PDXDC1: variants seen among roughly 807,000 people sequenced by gnomAD.
PDXDC1 encodes the protein pyridoxal-dependent decarboxylase domain-containing protein 1.
Under a neutral mutation model 100.1 loss-of-function variants are expected in PDXDC1, and 42 were observed. The ratio of observed to expected loss-of-function variants is 0.42; its 90% confidence interval spans 0.33 to 0.54. The LOEUF is 0.54. Ranked by LOEUF, PDXDC1 falls within the 20% of genes least tolerant of loss-of-function variation. The pLI is 0.10. For synonymous variants in PDXDC1, 260 were observed against 371.7 expected, an observed-to-expected ratio of 0.70 and a Z score of 3.46; for missense variants, 636 against 979.2, an observed-to-expected ratio of 0.65 and a Z score of 4.68.
intron 1 of PDXDC1, among the ~76,000 whole-genome samples, chr16:14,978,459 G>A (rs1414632113): frequency 2.0e-5 from 3 of 152,406 alleles, no homozygotes; most frequent in African/African-American, 4.8e-5. Flanking sequence ...GTACAATCTC[G>A]GCTCACTGCA....
At chr16:15,016,817 G>T (rs569178503) in intron 9 of PDXDC1, among the ~76,000 whole-genome samples, 2 of 152,392 alleles carry the variant, frequency 1.3e-5, no homozygotes, top group Admixed American at 1.3e-4. Context: ...CATACAGGGA[G>T]GTTTCTTTTT....
Position 15,017,436 on chromosome 16 carries a change from C to T in PDXDC1, c.963+14C>T. On this transcript the variant is annotated intron_variant, in intron 11 of 22. Coordinates refer to ENST00000396410, the MANE Select transcript of PDXDC1 (RefSeq NM_015027.4). ...GACCCTGCCTTGGTAAGTTTCCACTCACTGGGGAGGGAGTGGGTGTGGCTA... is the reference window on the plus strand; with the variant it reads ...GACCCTGCCTTGGTAAGTTTCCACTTACTGGGGAGGGAGTGGGTGTGGCTA... 6.2e-7 allele frequency: 1 copy of T among 1,612,110 alleles called. No individual in the cohort carries two copies. The highest frequency in any genetic ancestry group is 8.5e-7 in the Non-Finnish European group (1 of 1,178,434).
At chr16:15,111,756 C>CA (rs1202549941) in intron 16 of PDXDC1, among the ~76,000 whole-genome samples, 34,760 of 58,730 alleles carry the variant, frequency 0.59, 11,485 homozygotes, top group South Asian at 0.7. Flanking sequence ...GACTCCGTCT[C>CA]AAAAAAAAAA....
downstream of PDXDC1, chr16:15,038,817 A>G (rs2043671292): frequency 1.7e-6 from 1 of 588,874 alleles, no homozygotes; most frequent in East Asian, 2.9e-5. Context: ...CCTGTCTCAA[A>G]TAACAAAAGC....
chr16:15,130,750 A>C (rs1250848089), intron 16 of PDXDC1: 3 of 1,365,260 alleles, frequency 2.2e-6, no homozygotes, highest in Non-Finnish European at 3.1e-6. Context: ...GAGTGCAGGT[A>C]GACTGCCAGG....
At chr16:15,123,222 T>C (rs970199412) in intron 16 of PDXDC1, among the ~76,000 whole-genome samples, 1 of 151,490 alleles carries the variant, frequency 6.6e-6, no homozygotes, top group Non-Finnish European at 1.5e-5. Context: ...ATCATCCCAA[T>C]GACCCCTCCC....
chr16:15,141,945 G>C (rs1395456555), downstream of PDXDC1, among the ~76,000 whole-genome samples: 1 of 152,170 alleles, frequency 6.6e-6, no homozygotes, highest in African/African-American at 2.4e-5. Context: ...GCTTTAGGGA[G>C]AATGAGGCAC....
chr16:14,990,085 G>A (rs1252446215), intron 1 of PDXDC1: 3 of 1,491,396 alleles, frequency 2.0e-6, no homozygotes, highest in Non-Finnish European at 2.7e-6. Context: ...AGGAGGCCAA[G>A]CAGGCAGAGG....
chr16:15,073,185 G>C, intron 16 of PDXDC1: 2 of 1,309,790 alleles, frequency 1.5e-6, no homozygotes, highest in Non-Finnish European at 2.1e-6. Context: ...ACATTATCCA[G>C]CCAAGCACAG....
intron 1 of PDXDC1, among the ~76,000 whole-genome samples, chr16:14,994,391 A>T (rs1032833470): frequency 4.1e-4 from 62 of 152,404 alleles, no homozygotes; most frequent in African/African-American, 1.5e-3. Context: ...ATTTATTAAC[A>T]AGGGAATCCT....
In PDXDC1 at chr16:15,028,945, G is replaced by A. The variant is rs370150534; in HGVS notation, c.1272G>A (p.Ser424=). ...TPSGVGRERH[S]CDALNRWLGE... ...CAGGAGTCGGCCGGGAGAGGCACTC[G>A]TGTGACGCGCTGAATCGCTGGGTGA... The change falls in exon 15 of 23, where the codon TCG becomes TCA. Residue 424 remains serine (S), a synonymous_variant. Transcript: ENST00000396410. The A allele has an allele frequency of 7.7e-5, 124 of 1,613,328 alleles. No individual in the cohort carries two copies. Among genetic ancestry groups the A allele is most frequent in the Non-Finnish European group, 9.1e-5 (107 of 1,179,904 alleles).
At chr16:15,079,712 C>A (rs372670956) in intron 16 of PDXDC1, among the ~76,000 whole-genome samples, 12 of 152,136 alleles carry the variant, frequency 7.9e-5, no homozygotes, top group Non-Finnish European at 1.6e-4. Flanking sequence ...CCCACCTCAG[C>A]CTCCTGAGTA....
rs775185208 is a variant in PDXDC1, at chr16:15,035,482, A to G, written c.2036A>G (p.Tyr679Cys). Residue 679 changes from tyrosine (Y) to cysteine (C), a missense_variant, in exon 22 of 23, where the codon TAC becomes TGC. Physicochemically the swap from Tyr to Cys is radical, Grantham distance 194. Transcript: ENST00000396410. The part of the protein sequence containing the change: ...SLESTEPIYV[Y>C]KAQGAGVTLP... ...GAGTCCACAGAACCCATATATGTCTACAAAGCACAAGGTGCAGGAGTCACG... is the reference window on the plus strand; with the variant it reads ...GAGTCCACAGAACCCATATATGTCTGCAAAGCACAAGGTGCAGGAGTCACG... 5.6e-6 allele frequency: 9 copies of G among 1,612,014 alleles called. 1 individual carries two copies. Among genetic ancestry groups the G allele is most frequent in the Admixed American group, 3.3e-5 (2 of 59,900 alleles).
intron 16 of PDXDC1, among the ~76,000 whole-genome samples, chr16:15,073,457 T>TA (rs796895264): frequency 5.1e-4 from 76 of 149,598 alleles, no homozygotes; most frequent in African/African-American, 1.7e-3. Flanking sequence ...CGTGGCTATT[T>TA]AAAAAAAAAA....
intron 16 of PDXDC1, chr16:15,135,837 G>C (rs1390318823): frequency 4.7e-5 from 70 of 1,475,536 alleles, no homozygotes; most frequent in Non-Finnish European, 6.2e-5. Flanking sequence ...TGGATGCTCC[G>C]TGCCAGTGGC....
chr16:14,979,976 A>G (rs1202258853), intron 1 of PDXDC1, among the ~76,000 whole-genome samples: 3 of 152,416 alleles, frequency 2.0e-5, no homozygotes, highest in East Asian at 3.9e-4. Flanking sequence ...TGTAGCTTTC[A>G]TATAAAGCCA....
At chr16:14,995,172 A>T (rs562147391) in intron 1 of PDXDC1, among the ~76,000 whole-genome samples, 16 of 152,378 alleles carry the variant, frequency 1.1e-4, no homozygotes, top group African/African-American at 3.8e-4. Flanking sequence ...AACTTCCCAC[A>T]CCGTGTTGAA....
At chr16:15,045,362 G>T (rs2044014611) in intron 16 of PDXDC1, 1 of 152,160 alleles carries the variant, frequency 6.6e-6, no homozygotes, top group Admixed American at 6.6e-5. Context: ...GGCTACTCGG[G>T]AGGCTGAGGC....
At chr16:14,993,891 C>T (rs1971413523) in intron 1 of PDXDC1, among the ~76,000 whole-genome samples, 1 of 152,278 alleles carries the variant, frequency 6.6e-6, no homozygotes, top group Non-Finnish European at 1.5e-5. Flanking sequence ...CTCTGATGGC[C>T]AGTGGTGATG....
Sources: allele counts gnomAD v4.1 joint callset (sites outside exome capture counted in the v4.1 genomes callset), GRCh38; gene constraint gnomAD v4.1.1; transcripts MANE v1.5; gene names NCBI Gene and HGNC (gene_info 2026-07-23, HGNC 2026-07-21).